Variants in HS3ST4 observed in about 807,000 individuals in gnomAD.
HS3ST4 encodes heparan sulfate glucosamine 3-O-sulfotransferase 4.
A neutral mutation model predicts 29.2 loss-of-function variants in HS3ST4; 17 were observed. The observed-to-expected ratio is 0.58, with a 90% CI of 0.40 to 0.87. HS3ST4 has a LOEUF of 0.87. HS3ST4 is among the 40% of genes least tolerant of loss of function. The pLI is 0.00. For missense variants in HS3ST4, 627 were observed against 634.5 expected (o/e 0.99, Z 0.13); for synonymous variants, 314 against 285.7 (o/e 1.10, Z -1.00).
chr16:25,907,354 T>C (rs1968189243), intron 1 of HS3ST4, among the ~76,000 whole-genome samples: 1 of 151,964 alleles, frequency 6.6e-6, no homozygotes, highest in South Asian at 2.1e-4. Flanking sequence ...GACAGGGACA[T>C]GGGGAGGCGG....
At chr16:26,071,333 G>A (rs1898602075) in intron 1 of HS3ST4, among the ~76,000 whole-genome samples, 1 of 152,120 alleles carries the variant, frequency 6.6e-6, no homozygotes, top group Non-Finnish European at 1.5e-5. Context: ...GTGGGTGCGG[G>A]GTTGTGGTGA....
At chr16:25,759,726 A>C (rs1294286063) in intron 1 of HS3ST4, among the ~76,000 whole-genome samples, 1 of 152,084 alleles carries the variant, frequency 6.6e-6, no homozygotes, top group Non-Finnish European at 1.5e-5. Flanking sequence ...GGAGTTTGAG[A>C]CCAGACTATG....
At chr16:25,979,804 T>C (rs560781971) in intron 1 of HS3ST4, among the ~76,000 whole-genome samples, 5 of 152,318 alleles carry the variant, frequency 3.3e-5, no homozygotes, top group African/African-American at 1.2e-4. Flanking sequence ...CCTGTTAGAC[T>C]CTTAAACTGA....
At chr16:25,937,071 A>G (rs1412923339) in intron 1 of HS3ST4, among the ~76,000 whole-genome samples, 1 of 151,962 alleles carries the variant, frequency 6.6e-6, no homozygotes, top group African/African-American at 2.4e-5. Flanking sequence ...AGGACATGGT[A>G]TCTTTTGGCC....
At chr16:25,694,494 T>C (rs1260498738) in intron 1 of HS3ST4, among the ~76,000 whole-genome samples, 1 of 152,208 alleles carries the variant, frequency 6.6e-6, no homozygotes, top group Non-Finnish European at 1.5e-5. Context: ...AGAGAACTAA[T>C]TGCAGTATTT....
chr16:25,933,640 A>C (rs1210219617), intron 1 of HS3ST4, among the ~76,000 whole-genome samples: 8 of 152,162 alleles, frequency 5.3e-5, no homozygotes, highest in Admixed American at 5.2e-4. Flanking sequence ...TGAGACTGGT[A>C]ATTTATAAAC....
chr16:26,053,603 T>C (rs1898372337), intron 1 of HS3ST4, among the ~76,000 whole-genome samples: 1 of 152,134 alleles, frequency 6.6e-6, no homozygotes, highest in African/African-American at 2.4e-5. Flanking sequence ...TGATTTTTGG[T>C]TTGGGACTTT....
intron 1 of HS3ST4, among the ~76,000 whole-genome samples, chr16:25,747,134 T>C (rs1375338052): frequency 4.6e-5 from 7 of 152,178 alleles, no homozygotes; most frequent in Non-Finnish European, 7.3e-5. Context: ...GGATGACAGG[T>C]GAGAGCCACT....
At chr16:25,763,601 C>T (rs1966801831) in intron 1 of HS3ST4, among the ~76,000 whole-genome samples, 1 of 152,088 alleles carries the variant, frequency 6.6e-6, no homozygotes, top group African/African-American at 2.4e-5. Context: ...GAAGGGTTAG[C>T]CATGTGAAGT....
chr16:26,034,963 CAG>C (rs751059576), intron 1 of HS3ST4, among the ~76,000 whole-genome samples: 3 of 152,116 alleles, frequency 2.0e-5, no homozygotes, highest in Admixed American at 6.5e-5. Context: ...AGCTGAGCAA[CAG>C]AGTGAGATCC....
chr16:26,020,639 CAT>C (rs1475747086), intron 1 of HS3ST4, among the ~76,000 whole-genome samples: 1 of 152,202 alleles, frequency 6.6e-6, no homozygotes, highest in African/African-American at 2.4e-5. Context: ...GAGAACCTCT[CAT>C]GTCATGATTA....
intron 1 of HS3ST4, among the ~76,000 whole-genome samples, chr16:25,760,923 G>A (rs1426821045): frequency 2.6e-5 from 4 of 152,196 alleles, no homozygotes; most frequent in Non-Finnish European, 4.4e-5. Flanking sequence ...TAATGCTGAG[G>A]CAGAACCCAG....
At chr16:25,953,329 T>C (rs1378002417) in intron 1 of HS3ST4, among the ~76,000 whole-genome samples, 2 of 152,166 alleles carry the variant, frequency 1.3e-5, no homozygotes, top group Non-Finnish European at 2.9e-5. Context: ...CCACAAAGCT[T>C]TGCTTTGCCT....
intron 1 of HS3ST4, among the ~76,000 whole-genome samples, chr16:25,773,482 T>C (rs1966844739): frequency 6.6e-6 from 1 of 152,208 alleles, no homozygotes; most frequent in Non-Finnish European, 1.5e-5. Flanking sequence ...ACAGGGGTTG[T>C]ACCTCATAAA....
intron 1 of HS3ST4, among the ~76,000 whole-genome samples, chr16:25,828,240 TTCTC>T (rs756110094): frequency 0.12 from 7,278 of 58,788 alleles, 588 homozygotes; most frequent in African/African-American, 0.2. Flanking sequence ...CTTTCTTTCT[TTCTC>T]TTTCTTTCTT....
chr16:26,003,786 G>A (rs1969232546), intron 1 of HS3ST4, among the ~76,000 whole-genome samples: 2 of 152,226 alleles, frequency 1.3e-5, no homozygotes, highest in African/African-American at 4.8e-5. Context: ...TGAGAAGGTG[G>A]GCTGGAGTCG....
chr16:26,120,077 G>GTA (rs1555485150), intron 1 of HS3ST4, among the ~76,000 whole-genome samples: 28 of 133,574 alleles, frequency 2.1e-4, no homozygotes, highest in South Asian at 4.8e-4. Context: ...GTGTATGTGT[G>GTA]TGTGTGTGTG....
At chr16:25,741,798 T>A (rs985406159) in intron 1 of HS3ST4, among the ~76,000 whole-genome samples, 2 of 152,092 alleles carry the variant, frequency 1.3e-5, no homozygotes, top group East Asian at 3.9e-4. Context: ...CTTATACCAG[T>A]AAGGACACCA....
intron 1 of HS3ST4, among the ~76,000 whole-genome samples, chr16:25,873,933 G>C (rs184689572): frequency 6.6e-6 from 1 of 152,222 alleles, no homozygotes; most frequent in Admixed American, 6.5e-5. Flanking sequence ...TTTGACAGTG[G>C]GGACCAACAC....
Sources: allele counts gnomAD v4.1 joint callset (sites outside exome capture counted in the v4.1 genomes callset), GRCh38; gene constraint gnomAD v4.1.1; transcripts MANE v1.5; gene names NCBI Gene and HGNC (gene_info 2026-07-23, HGNC 2026-07-21).